BLK: variants seen among roughly 807,000 people sequenced by gnomAD.
BLK encodes the protein BLK proto-oncogene, Src family tyrosine kinase.
Under a neutral mutation model 61.8 loss-of-function variants are expected in BLK, and 64 were observed. The ratio of observed to expected loss-of-function variants is 1.03; its 90% CI spans 0.85 to 1.27. BLK has a LOEUF of 1.27. BLK is among the 50% of genes most tolerant of loss of function. BLK has a pLI of 0.00. For synonymous variants in BLK, 351 were observed against 272.0 expected, an observed-to-expected ratio of 1.29 and a Z score of -2.86; for missense variants, 853 against 660.5, an observed-to-expected ratio of 1.29 and a Z score of -3.19.
chr8:11,524,934 C>T (rs1231185812), intron 1 of BLK, among the ~76,000 whole-genome samples: 2 of 143,802 alleles, frequency 1.4e-5, no homozygotes, highest in Non-Finnish European at 3.0e-5. Context: ...AAAAAAAAGG[C>T]CATGGAAAAT....
intron 1 of BLK, among the ~76,000 whole-genome samples, chr8:11,518,973 G>T (rs991512067): frequency 1.3e-5 from 2 of 152,090 alleles, no homozygotes; most frequent in Non-Finnish European, 2.9e-5. Context: ...AAATACCCCT[G>T]GGCCTGTGCG....
At chr8:11,523,571 T>C (rs536593533) in intron 1 of BLK, among the ~76,000 whole-genome samples, 1 of 152,124 alleles carries the variant, frequency 6.6e-6, no homozygotes, top group Admixed American at 6.6e-5. Context: ...CAAAAAAAAT[T>C]AGTAAGTTAA....
intron 1 of BLK, among the ~76,000 whole-genome samples, chr8:11,497,972 C>T (rs903171891): frequency 2.6e-5 from 4 of 152,204 alleles, no homozygotes; most frequent in African/African-American, 7.2e-5. Context: ...AACAGAACCA[C>T]GGAATGGGGG....
At chr8:11,503,837 CT>C (rs1480488623) in intron 1 of BLK, among the ~76,000 whole-genome samples, 1 of 152,174 alleles carries the variant, frequency 6.6e-6, no homozygotes, top group Non-Finnish European at 1.5e-5. Context: ...ATCTTCCACC[CT>C]CCCCTGCTGG....
intron 1 of BLK, among the ~76,000 whole-genome samples, chr8:11,521,591 C>T (rs566832615): frequency 2.0e-5 from 3 of 152,276 alleles, no homozygotes; most frequent in East Asian, 1.9e-4. Flanking sequence ...GTACCTGGAC[C>T]ATATTTATGT....
chr8:11,518,916 G>A (rs1799330557), intron 1 of BLK, among the ~76,000 whole-genome samples: 4 of 152,128 alleles, frequency 2.6e-5, no homozygotes, highest in African/African-American at 7.2e-5. Flanking sequence ...TGCCACTGAA[G>A]ACTCCAGCAT....
intron 1 of BLK, among the ~76,000 whole-genome samples, chr8:11,528,511 C>T (rs779592890): frequency 6.6e-6 from 1 of 152,130 alleles, no homozygotes; most frequent in South Asian, 2.1e-4. Flanking sequence ...CTCACACACA[C>T]TTGGGCTTCA....
chr8:11,543,725 T>A (rs1800493806), intron 2 of BLK, among the ~76,000 whole-genome samples: 1 of 152,192 alleles, frequency 6.6e-6, no homozygotes. Flanking sequence ...AAGAGCCTGC[T>A]TTCCTGGGAT....
At chr8:11,525,075 T>C (rs1157630618) in intron 1 of BLK, among the ~76,000 whole-genome samples, 1 of 152,212 alleles carries the variant, frequency 6.6e-6, no homozygotes, top group African/African-American at 2.4e-5. Context: ...GCATATTTAA[T>C]GTGATTCCTA....
chr8:11,504,536 G>C (rs962483393), intron 1 of BLK, among the ~76,000 whole-genome samples: 18 of 152,170 alleles, frequency 1.2e-4, no homozygotes, highest in African/African-American at 4.1e-4. Flanking sequence ...TCAGAAGCTG[G>C]TTATCCGTGT....
At chr8:11,524,631 C>A (rs1799580204) in intron 1 of BLK, among the ~76,000 whole-genome samples, 1 of 152,066 alleles carries the variant, frequency 6.6e-6, no homozygotes, top group Non-Finnish European at 1.5e-5. Flanking sequence ...GGATTTTTAA[C>A]CTCAACAAAA....
At chr8:11,532,054 T>C (rs143278514) in intron 1 of BLK, among the ~76,000 whole-genome samples, 6 of 152,228 alleles carry the variant, frequency 3.9e-5, no homozygotes, top group Non-Finnish European at 8.8e-5. Context: ...AGATGGGGTT[T>C]CACCATGTTG....
chr8:11,552,017 A>G (rs1271244974), intron 6 of BLK, among the ~76,000 whole-genome samples: 2 of 152,182 alleles, frequency 1.3e-5, no homozygotes, highest in Non-Finnish European at 2.9e-5. Flanking sequence ...CTTGTAGCCA[A>G]TTTTAACTGG....
intron 10 of BLK, among the ~76,000 whole-genome samples, chr8:11,559,369 A>G (rs1261776775): frequency 6.7e-6 from 1 of 149,440 alleles, no homozygotes; most frequent in Admixed American, 6.7e-5. Flanking sequence ...ACAGACTCAC[A>G]CAGACACGCA....
intron 10 of BLK, among the ~76,000 whole-genome samples, chr8:11,559,408 G>C (rs73197303): frequency 1.4e-4 from 13 of 95,596 alleles, no homozygotes; most frequent in Middle Eastern, 5.7e-3. Context: ...CACACACACA[G>C]ACACACAGAC....
intron 2 of BLK, chr8:11,545,618 T>C: frequency 4.0e-6 from 1 of 252,960 alleles, no homozygotes; most frequent in South Asian, 5.7e-5. Context: ...TGTACACTCT[T>C]GTACACATAC....
At position 11,548,207 on chromosome 8, in the gene BLK, C is replaced by T. The variant is rs961531009; in HGVS notation, c.269+82C>T. Reference sequence around the variant, plus strand: ...TCCTTTCTCCACCCACCACATCCTCCATGGCTGACCCTGGAAGTCTTCTCC... The same window carrying T: ...TCCTTTCTCCACCCACCACATCCTCTATGGCTGACCCTGGAAGTCTTCTCC... On this transcript the variant is annotated intron_variant, in intron 4 of 12. Coordinates refer to ENST00000259089, the MANE Select transcript of BLK (RefSeq NM_001715.3). 1.6e-5 allele frequency: 19 copies of T among 1,223,776 alleles called. No individual in the cohort carries two copies. The Admixed American group carries it at 2.5e-4, about 16-fold the overall frequency. 75.8% of individuals were successfully genotyped at this position (1,223,776 alleles called of 1,614,324 possible).
Position 11,530,677 on chromosome 8 carries a change from A to AT in BLK, c.-1-12547_-1-12546insT, listed in dbSNP as rs1491056580. Among the ~76,000 whole-genome samples the AT allele has an allele frequency of 7.2e-4, 12 of 16,744 alleles. No individual in the cohort carries two copies. The Admixed American group carries it at 7.8e-3, about 11-fold the overall frequency. 11.0% of individuals were successfully genotyped at this position (16,744 alleles called of 152,430 possible). On this transcript the variant is annotated intron_variant, in intron 1 of 12. Transcript: ENST00000259089. Reference sequence around the variant, plus strand: ...TGCTCAATTGTTAAAAGTTGTAAATAGCTCAGTAGAAGTTTTCTTTACTCT... The same window carrying AT: ...TGCTCAATTGTTAAAAGTTGTAAATATGCTCAGTAGAAGTTTTCTTTACTCT...
At chr8:11,530,906 AG>A (rs1799858529) in intron 1 of BLK, among the ~76,000 whole-genome samples, 1 of 152,254 alleles carries the variant, frequency 6.6e-6, no homozygotes, top group South Asian at 2.1e-4. Context: ...TCTGGGTCAC[AG>A]GTTAAGAAGC....
Sources: allele counts gnomAD v4.1 joint callset (sites outside exome capture counted in the v4.1 genomes callset), GRCh38; gene constraint gnomAD v4.1.1; transcripts MANE v1.5; gene names NCBI Gene and HGNC (gene_info 2026-07-23, HGNC 2026-07-21).